PKN2: variants seen among roughly 807,000 people sequenced by gnomAD.
PKN2 encodes the protein serine/threonine-protein kinase N2.
A neutral mutation model predicts 119.1 loss-of-function variants in PKN2; 38 were observed. The observed-to-expected ratio is 0.32, with a 90% CI of 0.25 to 0.42. PKN2 has a LOEUF of 0.42. Ranked by LOEUF, PKN2 falls within the 10% of genes least tolerant of loss-of-function variation. PKN2 has a pLI of 1.00. For synonymous variants in PKN2, 390 were observed against 384.9 expected (o/e 1.01, Z -0.15); for missense variants, 850 against 1,165.1 (o/e 0.73, Z 3.94).
At chr1:88,734,136 G>A (rs1033959509) in intron 1 of PKN2, among the ~76,000 whole-genome samples, 1 of 151,040 alleles carries the variant, frequency 6.6e-6, no homozygotes, top group Non-Finnish European at 1.5e-5. Flanking sequence ...TCCAGCCTGG[G>A]TAACAGAGTG....
At chr1:88,819,858 G>A (rs1197340106) in intron 16 of PKN2, among the ~76,000 whole-genome samples, 4 of 152,008 alleles carry the variant, frequency 2.6e-5, no homozygotes, top group Non-Finnish European at 2.9e-5. Flanking sequence ...GTCCTTTGCA[G>A]GACATGGATG....
chr1:88,807,482 G>A, intron 13 of PKN2, 39 bp downstream of exon 13: 1 of 1,604,874 alleles, frequency 6.2e-7, no homozygotes, highest in Non-Finnish European at 8.5e-7. Context: ...TACATGTTTG[G>A]TACCATACTT....
At chr1:88,807,913 A>T (rs1671615849) in intron 15 of PKN2, 138 bp downstream of exon 15, 8 of 557,022 alleles carry the variant, frequency 1.4e-5, no homozygotes, top group Non-Finnish European at 2.5e-5. Flanking sequence ...TATATTTGAC[A>T]TAAGGTAGAC....
At chr1:88,712,551 A>T (rs1667276302) in intron 1 of PKN2, among the ~76,000 whole-genome samples, 1 of 152,184 alleles carries the variant, frequency 6.6e-6, no homozygotes, top group South Asian at 2.1e-4. Context: ...AGCATACTGT[A>T]TTCTGAATTA....
At chr1:88,808,649 A>T (rs1456771150) in intron 15 of PKN2, among the ~76,000 whole-genome samples, 1 of 152,178 alleles carries the variant, frequency 6.6e-6, no homozygotes, top group Non-Finnish European at 1.5e-5. Flanking sequence ...TAAGATTGTA[A>T]TTCACTTAGA....
intron 1 of PKN2, among the ~76,000 whole-genome samples, chr1:88,719,569 A>G (rs918424610): frequency 9.9e-5 from 15 of 152,268 alleles, no homozygotes; most frequent in African/African-American, 3.6e-4. Flanking sequence ...TCCTCTTACT[A>G]TATATTTCTT....
chr1:88,701,797 A>G (rs545532514), intron 1 of PKN2, among the ~76,000 whole-genome samples: 1 of 152,346 alleles, frequency 6.6e-6, no homozygotes, highest in East Asian at 1.9e-4. Flanking sequence ...CTAGTTAGCT[A>G]CTATATCAGA....
At chr1:88,750,255 A>G (rs1350855078) in intron 2 of PKN2, among the ~76,000 whole-genome samples, 1 of 152,232 alleles carries the variant, frequency 6.6e-6, no homozygotes, top group African/African-American at 2.4e-5. Context: ...AGACTCAAGA[A>G]TTAAACCATA....
Position 88,772,003 on chromosome 1 carries a change from A to C in PKN2, c.985+124A>C. On this transcript the variant is annotated intron_variant, in intron 6 of 21. Coordinates refer to ENST00000370521, the MANE Select transcript of PKN2 (RefSeq NM_006256.4). ...TTATGATAAGATACACATAGAATAA[A>C]ATTTGTTGTATTAACCATTTTAATT... is the stretch of plus-strand genomic sequence containing the variant. The C allele has an allele frequency of 4.6e-6, 3 of 649,292 alleles. No individual in the cohort carries two copies. The South Asian group carries it at 6.2e-5, about 13-fold the overall frequency. The allele number at this position is 649,292 out of a possible 1,614,324, so 40.2% of individuals were successfully genotyped here. A position where few individuals can be genotyped will look rare whatever the true frequency, so the allele number is the denominator to read the frequency against.
chr1:88,691,899 T>A lies in PKN2; in HGVS notation c.48+7271T>A, dbSNP rs34837293. Among the ~76,000 whole-genome samples, 893 of 152,320 alleles carry A rather than the reference T, an allele frequency of 5.9e-3. 7 individuals carry two copies. The highest frequency in any genetic ancestry group is 0.021 in the African/African-American group (862 of 41,560). On this transcript the variant is annotated intron_variant, in intron 1 of 21. Transcript: ENST00000370521. ...TGTTCTATTTTATTATTAGTTATTG[T>A]TAATTGCTTACTGTGCCTAATTTAT...
In PKN2 at chr1:88,828,442, T is replaced by G. The variant is rs983057892; in HGVS notation, c.2420-39T>G. The G allele has an allele frequency of 1.9e-6, 3 of 1,546,222 alleles. No individual in the cohort carries two copies. The African/African-American group carries it at 4.1e-5, about 21-fold the overall frequency. ...GATTTTTTTTTTATGCTAGATTTGT[T>G]TTCTTTGCTAACAAATGTTTACATT... On this transcript the variant is annotated intron_variant, in intron 18 of 21. Transcript: ENST00000370521.
intron 9 of PKN2, 104 bp downstream of exon 9, chr1:88,804,638 C>A: frequency 8.7e-7 from 1 of 1,154,454 alleles, no homozygotes; most frequent in Non-Finnish European, 1.3e-6. Context: ...AGACAGATGA[C>A]TTGAGTTCTT....
chr1:88,707,956 C>A (rs906897152), intron 1 of PKN2, among the ~76,000 whole-genome samples: 2 of 151,992 alleles, frequency 1.3e-5, no homozygotes, highest in African/African-American at 4.8e-5. Flanking sequence ...ATTTTTCTTT[C>A]CATGCATTTT....
intron 1 of PKN2, among the ~76,000 whole-genome samples, chr1:88,699,928 A>G (rs1666709567): frequency 6.6e-6 from 1 of 151,890 alleles, no homozygotes; most frequent in Non-Finnish European, 1.5e-5. Context: ...GATTACAGGT[A>G]TGCGCCACCA....
At chr1:88,724,973 T>C (rs1667844071) in intron 1 of PKN2, among the ~76,000 whole-genome samples, 1 of 145,490 alleles carries the variant, frequency 6.9e-6, no homozygotes, top group South Asian at 2.3e-4. Context: ...CTCGGCTCAC[T>C]GCAGCCTCCC....
intron 1 of PKN2, among the ~76,000 whole-genome samples, chr1:88,715,707 G>A (rs1163415371): frequency 6.6e-6 from 1 of 152,070 alleles, no homozygotes; most frequent in Non-Finnish European, 1.5e-5. Context: ...AGTCTTGCTA[G>A]CGGTCCATCA....
At chr1:88,781,847 C>T (rs1003375886) in intron 6 of PKN2, among the ~76,000 whole-genome samples, 1 of 151,942 alleles carries the variant, frequency 6.6e-6, no homozygotes, top group Admixed American at 6.6e-5. Flanking sequence ...AACAACAAAA[C>T]AAATAAGAAA....
At chr1:88,825,719 A>C (rs929360737) in intron 18 of PKN2, among the ~76,000 whole-genome samples, 1 of 152,182 alleles carries the variant, frequency 6.6e-6, no homozygotes, top group African/African-American at 2.4e-5. Context: ...ATCCCAAATC[A>C]ACCTGCCATG....
At position 88,833,412 on chromosome 1, in the gene PKN2, G is replaced by T. The variant is rs779420119; in HGVS notation, c.2919G>T (p.Met973Ile). The T allele has an allele frequency of 1.2e-6, 2 of 1,613,308 alleles. No homozygotes were observed. The highest frequency in any genetic ancestry group is 3.3e-5 in the Admixed American group (2 of 59,962). ...PRILSEEEQE[M>I]FRDFDYIADW... The stretch of plus-strand genomic sequence containing the variant: ...TACTTTCGGAAGAGGAGCAGGAAAT[G>T]TTCAGAGATTTTGACTACATTGCTG... Residue 973 changes from methionine to isoleucine, a missense_variant, in exon 22 of 22, where the codon ATG becomes ATT. By Grantham distance (10) the Met-to-Ile change is conservative. Transcript: ENST00000370521.
Sources: gnomAD v4.1 joint callset for allele counts (sites outside exome capture counted in the v4.1 genomes callset) on GRCh38, gnomAD v4.1.1 for gene constraint, MANE v1.5 for transcripts, NCBI Gene and HGNC (gene_info 2026-07-23, HGNC 2026-07-21) for gene names.